DUSP19: variants seen among roughly 807,000 people sequenced by gnomAD.
The protein encoded by DUSP19 is dual specificity protein phosphatase 19.
Under a neutral mutation model 16.6 loss-of-function variants are expected in DUSP19, and 14 were observed. The observed-to-expected ratio is 0.84, with a 90% confidence interval of 0.56 to 1.32. DUSP19 has a LOEUF of 1.32. Ranked by LOEUF, DUSP19 falls within the 40% of genes most tolerant of loss-of-function variation. The pLI is 0.00. For missense variants in DUSP19, 258 were observed against 255.9 expected, an observed-to-expected ratio of 1.01 and a Z score of -0.06; for synonymous variants, 81 against 90.5, an observed-to-expected ratio of 0.90 and a Z score of 0.59.
At chr2:183,083,916 G>T (rs1183782680) in intron 2 of DUSP19, among the ~76,000 whole-genome samples, 1 of 152,072 alleles carries the variant, frequency 6.6e-6, no homozygotes, top group Non-Finnish European at 1.5e-5. Context: ...CACGTCTTCT[G>T]TAATGCCATT....
At position 183,082,554 on chromosome 2, in the gene DUSP19, G is replaced by A. The variant is rs1699606077; in HGVS notation, c.227-954G>A. The stretch of plus-strand genomic sequence containing the variant: ...GTCTCGTGCCTCAGCCTCCTGAGTA[G>A]CTGGGATTACAGGCATGCACCACCA... On this transcript the variant is annotated intron_variant, in intron 1 of 3. Coordinates refer to ENST00000354221, the MANE Select transcript of DUSP19 (RefSeq NM_080876.4). Among the ~76,000 whole-genome samples the A allele has an allele frequency of 3.3e-5, 5 of 150,576 alleles. No homozygotes were observed. In the South Asian group the frequency reaches 1.1e-3, roughly 32 times the overall value.
rs1553521878 is a variant in DUSP19, at chr2:183,083,556, T to C, written c.273+2T>C. 3.1e-6 allele frequency: 5 copies of C among 1,610,032 alleles called. No individual in the cohort carries two copies. Among genetic ancestry groups the C allele is most frequent in the Non-Finnish European group, 4.2e-6 (5 of 1,178,144 alleles). On this transcript the variant is annotated splice_donor_variant, in intron 2 of 3. Transcript: ENST00000354221. LOFTEE classifies it high-confidence loss of function. The stretch of plus-strand genomic sequence containing the variant: ...TTGGATACACTGAAAAAGAATAAGG[T>C]AAAAAAATGCTTTAAGTCTGGCACC...
chr2:183,088,374 TTTTTTTG>T (rs1244855501), intron 3 of DUSP19, among the ~76,000 whole-genome samples: 13 of 149,316 alleles, frequency 8.7e-5, no homozygotes, highest in East Asian at 1.9e-4. Context: ...AGGAAGAGGT[TTTTTTTG>T]TTTTTTGTTT....
At chr2:183,080,483 T>C (rs1444914299) in intron 1 of DUSP19, among the ~76,000 whole-genome samples, 3 of 152,240 alleles carry the variant, frequency 2.0e-5, no homozygotes, top group East Asian at 1.9e-4. Context: ...AAGTGAGTTA[T>C]TTAGGTAATC....
chr2:183,095,935 A>C lies in DUSP19; in HGVS notation c.*277A>C. The C allele has an allele frequency of 4.6e-6, 1 of 218,700 alleles. No individual in the cohort carries two copies. Among genetic ancestry groups the C allele is most frequent in the Non-Finnish European group, 9.0e-6 (1 of 111,564 alleles). 13.5% of individuals were successfully genotyped at this position (218,700 alleles called of 1,614,324 possible). ...GTAATCATTGCTTTCTGTAGAAGAA[A>C]AAGGTTTAAATTTAAAATGTGTATT... On this transcript the variant is annotated 3_prime_UTR_variant, in exon 4 of 4. Coordinates refer to ENST00000354221, the MANE Select transcript of DUSP19 (RefSeq NM_080876.4).
rs1336880564 is a variant in DUSP19, at chr2:183,098,860, G to C, written c.*3202G>C. On this transcript the variant is annotated 3_prime_UTR_variant, in exon 4 of 4. Coordinates refer to ENST00000354221, the MANE Select transcript of DUSP19 (RefSeq NM_080876.4). ...GAATAGAACACTCAAGAAGTATGTA[G>C]ATTTTTGAAAAACCCAAACAATATT... 6.6e-6 allele frequency: 1 copy of C among 152,154 alleles called. No individual in the cohort carries two copies. Among genetic ancestry groups the C allele is most frequent in the Non-Finnish European group, 1.5e-5 (1 of 68,012 alleles). The allele number at this position is 152,154 out of a possible 1,614,324, so 9.4% of individuals were successfully genotyped here.
intron 3 of DUSP19, among the ~76,000 whole-genome samples, chr2:183,088,306 T>G (rs2105501735): frequency 6.6e-6 from 1 of 152,258 alleles, no homozygotes; most frequent in Non-Finnish European, 1.5e-5. Flanking sequence ...TAACAACACA[T>G]TTCTCAGAAT....
chr2:183,084,527 A>G (rs1699636259), intron 2 of DUSP19, among the ~76,000 whole-genome samples: 1 of 152,196 alleles, frequency 6.6e-6, no homozygotes, highest in Non-Finnish European at 1.5e-5. Context: ...AGAAAAGTTC[A>G]GTGACCCTGG....
intron 2 of DUSP19, 39 bp from the exon 3 acceptor site, chr2:183,087,001 T>G (rs751742478): frequency 1.3e-6 from 2 of 1,584,096 alleles, no homozygotes; most frequent in Non-Finnish European, 1.7e-6. Flanking sequence ...ACCTAATTCA[T>G]GGGATTTAAA....
Position 183,082,491 on chromosome 2 carries a change from T to G in DUSP19, c.227-1017T>G, listed in dbSNP as rs190252054. ...TAGGCTGGAGTGCAGTGGCACGATC[T>G]TGGCTCACTGCAACCTCTGCCTCCC... is the stretch of plus-strand genomic sequence containing the variant. On this transcript the variant is annotated intron_variant, in intron 1 of 3. Transcript: ENST00000354221. Among the ~76,000 whole-genome samples the G allele has an allele frequency of 3.8e-3, 573 of 149,014 alleles. 2 individuals carry two copies. The highest frequency in any genetic ancestry group is 6.9e-3 in the Middle Eastern group (2 of 288).
At chr2:183,089,966 G>T (rs994036537) in intron 3 of DUSP19, among the ~76,000 whole-genome samples, 4 of 152,032 alleles carry the variant, frequency 2.6e-5, no homozygotes, top group Middle Eastern at 3.2e-3. Context: ...TAGAGACGGG[G>T]TTTTGCCATG....
chr2:183,080,807 T>G (rs1699583234), intron 1 of DUSP19, among the ~76,000 whole-genome samples: 1 of 152,206 alleles, frequency 6.6e-6, no homozygotes, highest in Admixed American at 6.5e-5. Context: ...TGGGATACTT[T>G]CATCAGGAGC....
rs548523541 is a variant in DUSP19 at position 183,078,862 on chromosome 2, G to A, written c.-72G>A. On this transcript the variant is annotated 5_prime_UTR_variant, in exon 1 of 4. Coordinates refer to ENST00000354221, the MANE Select transcript of DUSP19 (RefSeq NM_080876.4). ...GCTGGCTTTGTTACCTGGGCAATAA[G>A]GGACTAGCAGTTCAGCCGTTTTCTA... 8 of 1,405,586 alleles carry A rather than the reference G, an allele frequency of 5.7e-6. No individual in the cohort carries two copies. In the Admixed American group the frequency reaches 1.3e-4, roughly 24 times the overall value. The allele number at this position is 1,405,586 out of a possible 1,614,324, so 87.1% of individuals were successfully genotyped here.
rs538448336 is a variant in DUSP19 at position 183,082,797 on chromosome 2, T to G, written c.227-711T>G. Among the ~76,000 whole-genome samples the G allele has an allele frequency of 3.9e-5, 6 of 152,106 alleles. No homozygotes were observed. The East Asian group carries it at 1.2e-3, about 29-fold the overall frequency. On this transcript the variant is annotated intron_variant, in intron 1 of 3. Transcript: ENST00000354221. ...CTCTTTCTCTCTCTCTCCCTCTCTT[T>G]CCCTTCCCTTTTGTTCGTTCGTTCG...
At position 183,079,630 on chromosome 2, in the gene DUSP19, G is replaced by A. The variant is rs1259447743; in HGVS notation, c.226+471G>A. Among the ~76,000 whole-genome samples, 3 of 152,220 alleles carry A rather than the reference G, an allele frequency of 2.0e-5. No homozygotes were observed. In the East Asian group the frequency reaches 5.8e-4, roughly 29 times the overall value. On this transcript the variant is annotated intron_variant, in intron 1 of 3. Coordinates refer to ENST00000354221, the MANE Select transcript of DUSP19 (RefSeq NM_080876.4). ...AGACCGTGCGGAATACATGCCTCCT[G>A]TGGCCACGTCTGTTCATGGTGTCTG...
At chr2:183,084,143 G>C (rs1699629986) in intron 2 of DUSP19, among the ~76,000 whole-genome samples, 2 of 152,154 alleles carry the variant, frequency 1.3e-5, no homozygotes, top group African/African-American at 4.8e-5. Context: ...GTGCTTTGAT[G>C]GGGAAGTGCA....
intron 3 of DUSP19, among the ~76,000 whole-genome samples, chr2:183,090,139 A>T (rs1170958764): frequency 6.6e-6 from 1 of 152,206 alleles, no homozygotes; most frequent in Non-Finnish European, 1.5e-5. Context: ...TTAAGAAAAG[A>T]TCTCTTCATG....
chr2:183,089,921 G>A (rs115709911), intron 3 of DUSP19, among the ~76,000 whole-genome samples: 1 of 152,108 alleles, frequency 6.6e-6, no homozygotes, highest in South Asian at 2.1e-4. Context: ...TTACAGGTGC[G>A]CACCACCATG....
chr2:183,097,372 C>T lies in DUSP19; in HGVS notation c.*1714C>T, dbSNP rs1699817443. ...TTTCATGACTTAGAAGATATCATTG[C>T]CATGTAGGTTTTATTTTTAAAAGTC... is the stretch of plus-strand genomic sequence containing the variant. On this transcript the variant is annotated 3_prime_UTR_variant, in exon 4 of 4. Transcript: ENST00000354221. 6.6e-6 allele frequency: 1 copy of T among 151,938 alleles called. No homozygotes were observed. The highest frequency in any genetic ancestry group is 1.5e-5 in the Non-Finnish European group (1 of 67,976). 9.4% of individuals were successfully genotyped at this position (151,938 alleles called of 1,614,324 possible).
Sources: allele counts gnomAD v4.1 joint callset (sites outside exome capture counted in the v4.1 genomes callset), GRCh38; gene constraint gnomAD v4.1.1; transcripts MANE v1.5; gene names NCBI Gene and HGNC (gene_info 2026-07-23, HGNC 2026-07-21).